Variants in CSMD3 observed in about 807,000 individuals in gnomAD.
CSMD3 encodes CUB and sushi domain-containing protein 3.
A neutral mutation model predicts 435.2 loss-of-function variants in CSMD3; 177 were observed. The ratio of observed to expected loss-of-function variants is 0.41; its 90% confidence interval spans 0.36 to 0.46. The LOEUF (loss-of-function observed/expected upper bound fraction) is 0.46, where lower values mean the gene tolerates loss of function less well. CSMD3 is among the 20% of genes least tolerant of loss of function. CSMD3 has a pLI of 0.34. For missense variants in CSMD3, 4,265 were observed against 4,504.6 expected, an observed-to-expected ratio of 0.95 and a Z score of 1.52; for synonymous variants, 1,656 against 1,520.5, an observed-to-expected ratio of 1.09 and a Z score of -2.07.
intron 3 of CSMD3, among the ~76,000 whole-genome samples, chr8:113,212,498 T>C (rs2092848417): frequency 6.6e-6 from 1 of 152,160 alleles, no homozygotes; most frequent in Non-Finnish European, 1.5e-5. Context: ...CTACAGCTTT[T>C]CTTTCATGCT....
intron 10 of CSMD3, among the ~76,000 whole-genome samples, chr8:112,914,860 T>A (rs1253432539): frequency 6.6e-6 from 1 of 151,902 alleles, no homozygotes; most frequent in Non-Finnish European, 1.5e-5. Flanking sequence ...CTAGCCCAGC[T>A]ATTATTTTGA....
At chr8:112,662,215 G>C (rs2075399311) in intron 17 of CSMD3, among the ~76,000 whole-genome samples, 1 of 152,140 alleles carries the variant, frequency 6.6e-6, no homozygotes, top group Non-Finnish European at 1.5e-5. Context: ...ACATTTCCAA[G>C]TCAATCCTAA....
intron 35 of CSMD3, 128 bp downstream of exon 35, chr8:112,406,396 G>T: frequency 3.8e-6 from 2 of 527,292 alleles, no homozygotes; most frequent in Non-Finnish European, 6.5e-6. Flanking sequence ...TTTATATAAA[G>T]CATACTTATT....
At chr8:112,639,165 GA>G (rs113351489) in intron 20 of CSMD3, among the ~76,000 whole-genome samples, 19 of 151,646 alleles carry the variant, frequency 1.3e-4, no homozygotes, top group Non-Finnish European at 1.3e-4. Context: ...ATCAGTGCCT[GA>G]AAAAAAATTA....
intron 22 of CSMD3, among the ~76,000 whole-genome samples, chr8:112,605,355 A>T (rs979521488): frequency 1.3e-5 from 2 of 152,200 alleles, no homozygotes; most frequent in African/African-American, 2.4e-5. Flanking sequence ...TATTCAAAAT[A>T]GTAAAGACAT....
At chr8:112,494,613 C>G (rs1410606982) in intron 30 of CSMD3, among the ~76,000 whole-genome samples, 1 of 149,812 alleles carries the variant, frequency 6.7e-6, no homozygotes, top group African/African-American at 2.5e-5. Context: ...GGCTCACTAC[C>G]CTGCTAACTC....
At chr8:113,226,615 G>A (rs1230133957) in intron 3 of CSMD3, among the ~76,000 whole-genome samples, 1 of 151,490 alleles carries the variant, frequency 6.6e-6, no homozygotes, top group Admixed American at 6.6e-5. Flanking sequence ...ATGCACTACT[G>A]GTTGTTAGAA....
At chr8:112,733,205 C>T (rs2132022401) in intron 13 of CSMD3, among the ~76,000 whole-genome samples, 1 of 152,112 alleles carries the variant, frequency 6.6e-6, no homozygotes, top group South Asian at 2.1e-4. Flanking sequence ...GACTGGCTTC[C>T]CCCTTATTCA....
chr8:113,060,824 G>A (rs780628387), intron 5 of CSMD3, among the ~76,000 whole-genome samples: 4 of 152,098 alleles, frequency 2.6e-5, no homozygotes, highest in Non-Finnish European at 5.9e-5. Flanking sequence ...TCTCTACCCT[G>A]CATCGCAAAT....
intron 5 of CSMD3, among the ~76,000 whole-genome samples, chr8:113,097,135 G>A (rs977466075): frequency 4.6e-5 from 7 of 151,906 alleles, no homozygotes. Context: ...CAGCTTAGAC[G>A]CTATGACAGA....
At chr8:112,820,118 C>T (rs932357320) in intron 12 of CSMD3, among the ~76,000 whole-genome samples, 2 of 152,100 alleles carry the variant, frequency 1.3e-5, no homozygotes, top group Admixed American at 6.6e-5. Context: ...CATTTTAAAA[C>T]ATTTCCATTC....
At chr8:112,926,665 T>C (rs1351497216) in intron 9 of CSMD3, among the ~76,000 whole-genome samples, 1 of 152,070 alleles carries the variant, frequency 6.6e-6, no homozygotes, top group African/African-American at 2.4e-5. Flanking sequence ...TACACAAATT[T>C]TACCTGTGTT....
intron 13 of CSMD3, among the ~76,000 whole-genome samples, chr8:112,786,058 T>C (rs922140013): frequency 1.3e-5 from 2 of 152,042 alleles, no homozygotes; most frequent in African/African-American, 2.4e-5. Flanking sequence ...CAAAACAGCA[T>C]GGTAGTGGCA....
At chr8:113,350,497 TGAG>T (rs1053498664) in intron 1 of CSMD3, among the ~76,000 whole-genome samples, 25 of 152,136 alleles carry the variant, frequency 1.6e-4, no homozygotes, top group Admixed American at 2.6e-4. Context: ...TTGAATTTAT[TGAG>T]AAGTAAAATC....
chr8:112,670,910 T>C (rs2075640676), intron 16 of CSMD3, among the ~76,000 whole-genome samples: 1 of 152,068 alleles, frequency 6.6e-6, no homozygotes, highest in African/African-American at 2.4e-5. Context: ...GAGGAAAAAA[T>C]GAAAGATGAT....
rs1280927731 is a variant in CSMD3 at position 112,265,417 on chromosome 8, A to T, written c.9682T>A (p.Cys3228Ser). ...NGTWSGVMPT[C>S]RAVTCPTPPQ... ...GAAGAAATCATTATCATACCTCTAC[A>T]AGTTGGCATTACTCCACTCCATGTG... Residue 3228 changes from cysteine (C) to serine (S), a missense_variant, in exon 60 of 71, where the codon TGT (cysteine) becomes AGT (serine). Around this residue, in one of 3 missense-constraint regions of CSMD3, gnomAD observed 3,255 missense variants for 3,380.2 expected, o/e 0.96. Coordinates refer to ENST00000297405, the MANE Select transcript of CSMD3 (RefSeq NM_198123.2). 1 of 1,609,770 alleles carries T rather than the reference A, an allele frequency of 6.2e-7. No individual in the cohort carries two copies. Among genetic ancestry groups the T allele is most frequent in the South Asian group, 1.1e-5 (1 of 91,000 alleles).
chr8:112,948,387 T>G (rs2083688370), intron 8 of CSMD3, among the ~76,000 whole-genome samples: 2 of 152,070 alleles, frequency 1.3e-5, no homozygotes, highest in South Asian at 4.1e-4. Flanking sequence ...AATACAGCAG[T>G]GGTGCAAATT....
At chr8:113,221,427 T>C (rs1020335393) in intron 3 of CSMD3, among the ~76,000 whole-genome samples, 2 of 150,344 alleles carry the variant, frequency 1.3e-5, no homozygotes, top group East Asian at 3.9e-4. Context: ...TGGTGTAAAA[T>C]GTAGATAATA....
At chr8:112,399,736 G>T (rs1030717021) in intron 35 of CSMD3, among the ~76,000 whole-genome samples, 1 of 152,040 alleles carries the variant, frequency 6.6e-6, no homozygotes, top group African/African-American at 2.4e-5. Context: ...GTTATAAAGT[G>T]GCATAATCTT....
Sources: allele counts gnomAD v4.1 joint callset (sites outside exome capture counted in the v4.1 genomes callset), GRCh38; gene constraint gnomAD v4.1.1; regional missense constraint gnomAD v4.1.1; transcripts MANE v1.5; gene names NCBI Gene and HGNC (gene_info 2026-07-23, HGNC 2026-07-21).